NAT1: variants seen among roughly 807,000 people sequenced by gnomAD.
NAT1 encodes N-acetyltransferase 1, also known as arylamine N-acetyltransferase 1.
For synonymous variants in NAT1, 144 were observed against 122.6 expected (o/e 1.17, Z -1.16); for missense variants, 400 against 339.2 (o/e 1.18, Z -1.41).
In NAT1 at chr8:18,211,715, G is replaced by A. The variant is rs567471826; in HGVS notation, c.-86+1535G>A. ...ACCCCTTTTCATCCAGAGGCCCAGT[G>A]AGCTGGCTTAGGAGGGGGCTAGGTT... On this transcript the variant is annotated intron_variant, in intron 1 of 2. Coordinates refer to ENST00000307719, the MANE Select transcript of NAT1 (RefSeq NM_000662.8). Among the ~76,000 whole-genome samples the A allele has an allele frequency of 5.3e-5, 8 of 152,288 alleles. No individual in the cohort carries two copies. The East Asian group carries it at 1.5e-3, about 29-fold the overall frequency.
At chr8:18,208,324 G>T (rs552718173), upstream of NAT1, among the ~76,000 whole-genome samples, 23 of 152,182 alleles carry the variant, frequency 1.5e-4, no homozygotes, top group African/African-American at 5.5e-4. Context: ...TAAAAAATAA[G>T]CCTAAAAGGA....
chr8:18,189,211 G>GA (rs1802878262), intron 2 of NAT1, among the ~76,000 whole-genome samples: 2 of 151,990 alleles, frequency 1.3e-5, no homozygotes, highest in African/African-American at 4.8e-5. Context: ...TTTCAAACTT[G>GA]AAAAACACAT....
intron 2 of NAT1, among the ~76,000 whole-genome samples, chr8:18,174,103 G>C (rs571618644): frequency 1.3e-5 from 2 of 152,094 alleles, no homozygotes; most frequent in African/African-American, 4.8e-5. Context: ...ACTAAGAAGA[G>C]AGAAAAAGAT....
chr8:18,171,307 A>AC (rs1167864951), intron 2 of NAT1, among the ~76,000 whole-genome samples: 3 of 151,778 alleles, frequency 2.0e-5, no homozygotes, highest in Admixed American at 1.3e-4. Context: ...GATCAGAACC[A>AC]CCCCCCCAAA....
upstream of NAT1, among the ~76,000 whole-genome samples, chr8:18,206,602 G>A (rs1173678339): frequency 3.3e-5 from 5 of 152,224 alleles, no homozygotes; most frequent in South Asian, 2.1e-4. Flanking sequence ...TGTGTTGGCC[G>A]CATAAATATC....
rs28383674 is a variant in NAT1 at position 18,179,203 on chromosome 8, T to A, written n.92+8464T>A. ...ATTGGGAAAATCTCCATGGTGGGGA[T>A]TGTGTCTTAGTCGTTTGGCACATCC... On this transcript the variant is annotated intron_variant and non_coding_transcript_variant, in intron 2 of 4. Coordinates refer to the NAT1 transcript ENST00000517441. Among the ~76,000 whole-genome samples the A allele has an allele frequency of 7.6e-4, 115 of 152,232 alleles. 2 individuals carry two copies. The South Asian group carries it at 0.024, about 32-fold the overall frequency.
intron 2 of NAT1, among the ~76,000 whole-genome samples, chr8:18,180,787 G>A (rs962236088): frequency 2.0e-5 from 3 of 152,006 alleles, no homozygotes; most frequent in Non-Finnish European, 4.4e-5. Flanking sequence ...TAATTATAAT[G>A]TATCAGTTTT....
At chr8:18,178,479 T>C (rs970171985) in intron 2 of NAT1, among the ~76,000 whole-genome samples, 3 of 152,112 alleles carry the variant, frequency 2.0e-5, no homozygotes, top group African/African-American at 4.8e-5. Context: ...AGAACCTGGA[T>C]TGAGGTTCTA....
At chr8:18,221,833 A>G in intron 2 of NAT1, 1 of 445,930 alleles carries the variant, frequency 2.2e-6, no homozygotes, top group Admixed American at 4.0e-5. Flanking sequence ...CACACTTGAA[A>G]GAAGACATAA....
intron 2 of NAT1, among the ~76,000 whole-genome samples, chr8:18,178,092 G>T (rs928512614): frequency 2.0e-5 from 3 of 152,152 alleles, no homozygotes; most frequent in Non-Finnish European, 4.4e-5. Flanking sequence ...TCATGGGACA[G>T]AGGGAGGGAG....
chr8:18,181,861 G>T (rs1802536063), intron 2 of NAT1, among the ~76,000 whole-genome samples: 1 of 152,152 alleles, frequency 6.6e-6, no homozygotes, highest in Non-Finnish European at 1.5e-5. Context: ...TTTTCCTCCA[G>T]TTGGGGCAGT....
intron 2 of NAT1, among the ~76,000 whole-genome samples, chr8:18,175,971 A>G (rs1054712656): frequency 2.6e-5 from 4 of 152,008 alleles, no homozygotes; most frequent in African/African-American, 9.7e-5. Flanking sequence ...GATTCTGAGC[A>G]TTTTTCATGT....
At chr8:18,181,707 G>A (rs1008649518) in intron 2 of NAT1, among the ~76,000 whole-genome samples, 90 of 152,268 alleles carry the variant, frequency 5.9e-4, no homozygotes, top group African/African-American at 2.1e-3. Flanking sequence ...GATGTTAGCT[G>A]CGGGTTGTCA....
At chr8:18,203,491 T>C (rs1803564941) in intron 2 of NAT1, among the ~76,000 whole-genome samples, 1 of 152,240 alleles carries the variant, frequency 6.6e-6, no homozygotes, top group Non-Finnish European at 1.5e-5. Context: ...ACATTTTTGA[T>C]ACTTCTTTGA....
chr8:18,210,728 A>G lies in NAT1; in HGVS notation c.-86+548A>G, dbSNP rs768102803. 2.6e-5 allele frequency among the ~76,000 whole-genome samples: 4 copies of G among 152,208 alleles called. No homozygotes were observed. In the East Asian group the frequency reaches 7.7e-4, roughly 29 times the overall value. On this transcript the variant is annotated intron_variant, in intron 1 of 2. Coordinates refer to ENST00000307719, the MANE Select transcript of NAT1 (RefSeq NM_000662.8). ...AAGCCCCTAATGATCCTGGATGTCC[A>G]GGAAGATTGAATTCTGTTGTTTGCA...
intron 2 of NAT1, among the ~76,000 whole-genome samples, chr8:18,186,229 A>T (rs566664853): frequency 1.3e-4 from 20 of 152,288 alleles, no homozygotes; most frequent in African/African-American, 4.8e-4. Context: ...TTATGATTAT[A>T]GGTTTGTCTA....
chr8:18,190,622 G>C (rs968246225), intron 2 of NAT1, among the ~76,000 whole-genome samples: 13 of 152,312 alleles, frequency 8.5e-5, no homozygotes, highest in African/African-American at 3.1e-4. Context: ...TCCAGGACGT[G>C]GTGGTGATAC....
At chr8:18,210,598 G>A (rs1195752995) in intron 1 of NAT1, among the ~76,000 whole-genome samples, 1 of 152,160 alleles carries the variant, frequency 6.6e-6, no homozygotes, top group African/African-American at 2.4e-5. Flanking sequence ...TAACAGTGAC[G>A]CTCACCCTCC....
chr8:18,184,340 A>G (rs1369503765), intron 2 of NAT1, among the ~76,000 whole-genome samples: 1 of 152,062 alleles, frequency 6.6e-6, no homozygotes, highest in Non-Finnish European at 1.5e-5. Flanking sequence ...CCTGATAGAG[A>G]GCAGCCCACG....
Sources: allele counts gnomAD v4.1 joint callset (sites outside exome capture counted in the v4.1 genomes callset), GRCh38; gene constraint gnomAD v4.1.1; transcripts MANE v1.5; gene names NCBI Gene and HGNC (gene_info 2026-07-23, HGNC 2026-07-21).